CDH8: variants seen among roughly 807,000 people sequenced by gnomAD.
CDH8 encodes cadherin 8, also known as cadherin-8.
CDH8 carries 17 observed loss-of-function variants against 68.1 expected under a neutral mutation model. The ratio of observed to expected loss-of-function variants is 0.25; its 90% CI spans 0.17 to 0.37. The LOEUF (loss-of-function observed/expected upper bound fraction) is 0.37, where lower values mean the gene tolerates loss of function less well. Ranked by LOEUF, CDH8 falls within the 10% of genes least tolerant of loss-of-function variation. The pLI is 1.00. For missense variants in CDH8, 763 were observed against 999.3 expected (o/e 0.76, Z 3.19); for synonymous variants, 372 against 365.1 (o/e 1.02, Z -0.21).
intron 10 of CDH8, among the ~76,000 whole-genome samples, chr16:61,702,277 CAGG>C (rs1455622769): frequency 1.3e-5 from 2 of 151,856 alleles, no homozygotes; most frequent in South Asian, 2.1e-4. Flanking sequence ...GAGGCTGAGG[CAGG>C]AGAATGGCGT....
At chr16:61,683,608 A>T (rs1964051671) in intron 10 of CDH8, among the ~76,000 whole-genome samples, 1 of 151,992 alleles carries the variant, frequency 6.6e-6, no homozygotes, top group African/African-American at 2.4e-5. Flanking sequence ...ATTAAAGGAC[A>T]TTTGGGTATC....
At chr16:61,727,261 T>C in intron 8 of CDH8, 46 bp from the exon 9 acceptor site, 1 of 1,541,570 alleles carries the variant, frequency 6.5e-7, no homozygotes, top group Non-Finnish European at 8.8e-7. Context: ...TATTTCATTT[T>C]AACGTGCAAC....
intron 7 of CDH8, among the ~76,000 whole-genome samples, chr16:61,796,052 G>C (rs1381900149): frequency 6.6e-6 from 1 of 152,028 alleles, no homozygotes; most frequent in Non-Finnish European, 1.5e-5. Flanking sequence ...CTCAAAAAAG[G>C]CTTGCTGGAA....
intron 10 of CDH8, among the ~76,000 whole-genome samples, chr16:61,709,458 T>C (rs115116502): frequency 0.01 from 1,582 of 152,118 alleles, 25 homozygotes; most frequent in African/African-American, 0.035. Context: ...ATCAGGAAAA[T>C]CCACTTCCAC....
Position 61,779,136 on chromosome 16 carries a change from A to G in CDH8, c.1414+10210T>C, listed in dbSNP as rs1026141705. ...TAGTCATGTACTTTCTACAAATGCC[A>G]TGCCAATTGTCTGCTCCCAGGTACA... On this transcript the variant is annotated intron_variant, in intron 8 of 11. Coordinates refer to ENST00000577390, the MANE Select transcript of CDH8 (RefSeq NM_001796.5). Among the ~76,000 whole-genome samples, 3 of 152,178 alleles carry G rather than the reference A, an allele frequency of 2.0e-5. No homozygotes were observed. In the South Asian group the frequency reaches 6.2e-4, roughly 31 times the overall value.
At chr16:61,954,102 G>A (rs1282516950) in intron 2 of CDH8, among the ~76,000 whole-genome samples, 1 of 151,738 alleles carries the variant, frequency 6.6e-6, no homozygotes, top group Admixed American at 6.6e-5. Context: ...ATGTATAATT[G>A]CCAGATTTAG....
intron 10 of CDH8, among the ~76,000 whole-genome samples, chr16:61,684,488 A>T (rs1158675310): frequency 1.3e-5 from 2 of 152,034 alleles, no homozygotes; most frequent in Non-Finnish European, 2.9e-5. Context: ...CAACATTATA[A>T]CAACAGCATT....
chr16:61,857,611 A>G (rs977410093), intron 3 of CDH8, among the ~76,000 whole-genome samples: 2 of 152,166 alleles, frequency 1.3e-5, no homozygotes, highest in Non-Finnish European at 2.9e-5. Context: ...ACGTCTTACA[A>G]AAGTACAACT....
At chr16:62,029,591 C>T (rs1027035887) in intron 1 of CDH8, among the ~76,000 whole-genome samples, 9 of 152,104 alleles carry the variant, frequency 5.9e-5, no homozygotes, top group African/African-American at 2.2e-4. Context: ...TATTTTCTGC[C>T]GAGAGGACAG....
chr16:61,864,338 G>GTTGT (rs1963212917), intron 3 of CDH8, among the ~76,000 whole-genome samples: 1 of 142,562 alleles, frequency 7.0e-6, no homozygotes, highest in Non-Finnish European at 1.5e-5. Flanking sequence ...TGGTTGGTTG[G>GTTGT]TTGGTTGATT....
At chr16:61,877,584 C>T (rs1053966557) in intron 3 of CDH8, among the ~76,000 whole-genome samples, 11 of 152,084 alleles carry the variant, frequency 7.2e-5, no homozygotes, top group African/African-American at 2.7e-4. Flanking sequence ...GTCAAGGCAG[C>T]TATTTTTGTG....
At chr16:61,945,437 TAAAAAAAA>T (rs59806534) in intron 2 of CDH8, among the ~76,000 whole-genome samples, 2 of 120,456 alleles carry the variant, frequency 1.7e-5, no homozygotes, top group East Asian at 5.0e-4. Context: ...GATGCATGAT[TAAAAAAAA>T]AAAAAAAAAA....
chr16:61,878,571 T>C (rs1263674408), intron 3 of CDH8, among the ~76,000 whole-genome samples: 2 of 152,168 alleles, frequency 1.3e-5, no homozygotes, highest in Non-Finnish European at 2.9e-5. Context: ...CAGATGAAAC[T>C]GCCCAGTGTA....
intron 2 of CDH8, among the ~76,000 whole-genome samples, chr16:61,906,780 G>A (rs1964069739): frequency 6.6e-6 from 1 of 152,042 alleles, no homozygotes; most frequent in Non-Finnish European, 1.5e-5. Flanking sequence ...GAAGACAAAG[G>A]AATTTAGAAA....
chr16:62,014,332 G>A (rs1901886356), intron 2 of CDH8, among the ~76,000 whole-genome samples: 2 of 152,110 alleles, frequency 1.3e-5, no homozygotes, highest in South Asian at 4.1e-4. Flanking sequence ...CTATTTCTAA[G>A]TCGGAACATT....
rs754819538 is a variant in CDH8, at chr16:61,727,207, T to C, written c.1423A>G (p.Ser475Gly). 6.2e-7 allele frequency: 1 copy of C among 1,606,970 alleles called. No individual in the cohort carries two copies. Among genetic ancestry groups the C allele is most frequent in the African/African-American group, 1.3e-5 (1 of 74,392 alleles). Residue 475 changes from serine (S) to glycine (G), a missense_variant, in exon 9 of 12, where the codon AGT becomes GGT. By Grantham distance (56) the Ser-to-Gly change is moderately conservative (BLOSUM62 0). Transcript: ENST00000577390. ...GCAACAGGTACTCGTGATATCTGACTGTGGTTCCCTATGGGAAGGAAAAAA... is the reference window on the plus strand; with the variant it reads ...GCAACAGGTACTCGTGATATCTGACCGTGGTTCCCTATGGGAAGGAAAAAA... ...TIIATEIRNH[S>G]QISRVPVAIK...
chr16:62,024,270 A>G (rs943795967), intron 1 of CDH8, among the ~76,000 whole-genome samples: 1 of 152,112 alleles, frequency 6.6e-6, no homozygotes, highest in Non-Finnish European at 1.5e-5. Context: ...ATAATTAACA[A>G]CAATAGCAAT....
chr16:61,812,567 T>C (rs534727057), intron 7 of CDH8, among the ~76,000 whole-genome samples: 107 of 152,154 alleles, frequency 7.0e-4, no homozygotes, highest in Non-Finnish European at 9.6e-4. Context: ...CAATACACAA[T>C]TGAAATAAGT....
At chr16:61,967,241 T>C (rs1240036026) in intron 2 of CDH8, among the ~76,000 whole-genome samples, 1 of 152,244 alleles carries the variant, frequency 6.6e-6, no homozygotes, top group East Asian at 1.9e-4. Flanking sequence ...TTAGAAGAGA[T>C]AAAATACTAG....
Sources: gnomAD v4.1 joint callset for allele counts (sites outside exome capture counted in the v4.1 genomes callset) on GRCh38, gnomAD v4.1.1 for gene constraint, MANE v1.5 for transcripts, NCBI Gene and HGNC (gene_info 2026-07-23, HGNC 2026-07-21) for gene names.